SUSD6: variants seen among roughly 807,000 people sequenced by gnomAD.
SUSD6 encodes the protein sushi domain-containing protein 6.
Under a neutral mutation model 28.4 loss-of-function variants are expected in SUSD6, and 16 were observed. The ratio of observed to expected loss-of-function variants is 0.56; its 90% CI spans 0.38 to 0.86. The LOEUF is 0.86. Among genes scored for constraint, SUSD6 ranks in the 40% least tolerant of loss-of-function variants. The pLI is 0.00. For missense variants in SUSD6, 341 were observed against 384.2 expected, an observed-to-expected ratio of 0.89 and a Z score of 0.94; for synonymous variants, 147 against 159.6, an observed-to-expected ratio of 0.92 and a Z score of 0.59.
chr14:69,704,777 A>G (rs766958229), intron 4 of SUSD6, 35 bp downstream of exon 4: 1 of 1,606,960 alleles, frequency 6.2e-7, no homozygotes, highest in Non-Finnish European at 8.5e-7. Context: ...TGAGACAGGC[A>G]GGTGCAAGCA....
At chr14:69,684,615 C>G (rs1886044989) in intron 2 of SUSD6, among the ~76,000 whole-genome samples, 2 of 152,338 alleles carry the variant, frequency 1.3e-5, no homozygotes, top group South Asian at 4.1e-4. Flanking sequence ...GGCCTGCTGA[C>G]TTGCCCCAAG....
intron 2 of SUSD6, among the ~76,000 whole-genome samples, chr14:69,671,497 A>G (rs1307809448): frequency 6.6e-6 from 1 of 151,722 alleles, no homozygotes; most frequent in East Asian, 1.9e-4. Flanking sequence ...TCTGACAAAG[A>G]CTCCTTATTT....
chr14:69,683,606 G>C (rs1370345568), intron 2 of SUSD6, among the ~76,000 whole-genome samples: 3 of 152,210 alleles, frequency 2.0e-5, no homozygotes, highest in Non-Finnish European at 4.4e-5. Flanking sequence ...CTGAGGCCAT[G>C]ATCATGGGTG....
intron 2 of SUSD6, among the ~76,000 whole-genome samples, chr14:69,691,288 G>A (rs1050751970): frequency 6.6e-6 from 1 of 152,196 alleles, no homozygotes; most frequent in African/African-American, 2.4e-5. Context: ...AGAGGTTGCA[G>A]TGAGCCAAGA....
At chr14:69,633,537 T>C (rs967040367) in intron 1 of SUSD6, among the ~76,000 whole-genome samples, 2 of 152,260 alleles carry the variant, frequency 1.3e-5, no homozygotes, top group Non-Finnish European at 2.9e-5. Flanking sequence ...TTTCTTTCCT[T>C]TTTAAGGCGC....
At chr14:69,619,184 G>T (rs1228716367) in intron 1 of SUSD6, among the ~76,000 whole-genome samples, 1 of 152,160 alleles carries the variant, frequency 6.6e-6, no homozygotes, top group South Asian at 2.1e-4. Context: ...GGGTGTCGTG[G>T]TTCATATTTT....
intron 1 of SUSD6, among the ~76,000 whole-genome samples, chr14:69,618,185 G>A (rs1218859929): frequency 6.6e-6 from 1 of 152,166 alleles, no homozygotes; most frequent in Non-Finnish European, 1.5e-5. Context: ...AACTTTTTGA[G>A]CACCCACATG....
chr14:69,632,242 G>T (rs1340014016), intron 1 of SUSD6, among the ~76,000 whole-genome samples: 1 of 152,100 alleles, frequency 6.6e-6, no homozygotes, highest in Non-Finnish European at 1.5e-5. Flanking sequence ...TCTCTCCCTG[G>T]TCTAGGATGT....
chr14:69,667,788 T>C (rs1318994316), intron 2 of SUSD6, among the ~76,000 whole-genome samples: 3 of 152,206 alleles, frequency 2.0e-5, no homozygotes, highest in Non-Finnish European at 4.4e-5. Flanking sequence ...AGCTTTGATA[T>C]CTGTACACAC....
At chr14:69,660,014 T>C (rs1156714955) in intron 2 of SUSD6, among the ~76,000 whole-genome samples, 1 of 152,210 alleles carries the variant, frequency 6.6e-6, no homozygotes, top group East Asian at 1.9e-4. Flanking sequence ...AACTCACCAA[T>C]ACTGGTGTTC....
At chr14:69,666,239 A>G (rs1338214100) in intron 2 of SUSD6, among the ~76,000 whole-genome samples, 1 of 152,236 alleles carries the variant, frequency 6.6e-6, no homozygotes, top group Non-Finnish European at 1.5e-5. Flanking sequence ...GACGAGTAGC[A>G]AAGAGTGGTA....
chr14:69,638,032 G>A (rs1490634045), intron 1 of SUSD6, among the ~76,000 whole-genome samples: 1 of 152,112 alleles, frequency 6.6e-6, no homozygotes, highest in Non-Finnish European at 1.5e-5. Flanking sequence ...TGTTAACTCT[G>A]TGTGTGTGCT....
chr14:69,624,656 T>C (rs1207736915), intron 1 of SUSD6, among the ~76,000 whole-genome samples: 1 of 152,194 alleles, frequency 6.6e-6, no homozygotes, highest in African/African-American at 2.4e-5. Context: ...AGTTTCTCCA[T>C]GTTGGTCAGG....
rs1021494022 is a variant in SUSD6 at position 69,662,590 on chromosome 14, G to A, written c.121+3877G>A. Among the ~76,000 whole-genome samples, 5 of 152,180 alleles carry A rather than the reference G, an allele frequency of 3.3e-5. No homozygotes were observed. In the East Asian group the frequency reaches 7.7e-4, roughly 23 times the overall value. Reference sequence around the variant, plus strand: ...CTTTTTAAGAGTGGCAAAAGGAGGCGTATCTTATTCTTCACACCTAGTCAC... The same window carrying A: ...CTTTTTAAGAGTGGCAAAAGGAGGCATATCTTATTCTTCACACCTAGTCAC... On this transcript the variant is annotated intron_variant, in intron 2 of 5. Coordinates refer to ENST00000342745, the MANE Select transcript of SUSD6 (RefSeq NM_014734.4).
At chr14:69,620,508 C>T (rs994555348) in intron 1 of SUSD6, among the ~76,000 whole-genome samples, 1 of 152,238 alleles carries the variant, frequency 6.6e-6, no homozygotes, top group Non-Finnish European at 1.5e-5. Flanking sequence ...AGTTAGCATA[C>T]TGCGGGAATA....
At chr14:69,644,247 T>C (rs1208397489) in intron 1 of SUSD6, among the ~76,000 whole-genome samples, 1 of 152,210 alleles carries the variant, frequency 6.6e-6, no homozygotes, top group African/African-American at 2.4e-5. Context: ...TCATAAGCCC[T>C]GTCTGGAGGG....
At chr14:69,647,934 G>A (rs1885451846) in intron 1 of SUSD6, among the ~76,000 whole-genome samples, 1 of 152,004 alleles carries the variant, frequency 6.6e-6, no homozygotes, top group Admixed American at 6.6e-5. Flanking sequence ...GCCGTGAGCC[G>A]AGATTGCGCC....
At chr14:69,641,793 G>A (rs186137126) in intron 1 of SUSD6, among the ~76,000 whole-genome samples, 263 of 151,914 alleles carry the variant, frequency 1.7e-3, no homozygotes, top group Middle Eastern at 0.014. Flanking sequence ...AGAGAGGAGG[G>A]GGGGTCTCCC....
intron 1 of SUSD6, among the ~76,000 whole-genome samples, chr14:69,632,407 G>A (rs1885207662): frequency 6.6e-6 from 1 of 152,136 alleles, no homozygotes; most frequent in South Asian, 2.1e-4. Flanking sequence ...GGATTGCCTA[G>A]AAGGGGAAAA....
Sources: gnomAD v4.1 joint callset for allele counts (sites outside exome capture counted in the v4.1 genomes callset) on GRCh38, gnomAD v4.1.1 for gene constraint, MANE v1.5 for transcripts, NCBI Gene and HGNC (gene_info 2026-07-23, HGNC 2026-07-21) for gene names.